The following SORCS2 variants were observed in gnomAD, a reference collection of about 807,000 sequenced individuals.
SORCS2 encodes sortilin related VPS10 domain containing receptor 2.
Under a neutral mutation model 141.6 loss-of-function variants are expected in SORCS2, and 100 were observed. The ratio of observed to expected loss-of-function variants is 0.71; its 90% CI spans 0.60 to 0.83. SORCS2 has a LOEUF of 0.83. Among genes scored for constraint, SORCS2 ranks in the 40% least tolerant of loss-of-function variants. SORCS2 has a pLI of 0.00. For synonymous variants in SORCS2, 789 were observed against 676.9 expected (o/e 1.17, Z -2.57); for missense variants, 1,646 against 1,560.2 (o/e 1.05, Z -0.93).
intron 6 of SORCS2, among the ~76,000 whole-genome samples, chr4:7,662,821 C>A (rs1722261558): frequency 6.6e-6 from 1 of 152,224 alleles, no homozygotes; most frequent in Non-Finnish European, 1.5e-5. Context: ...CAAGCACTAT[C>A]ATCAGGGCTA....
At chr4:7,411,258 C>G (rs58711906) in intron 2 of SORCS2, among the ~76,000 whole-genome samples, 38,447 of 151,910 alleles carry the variant, frequency 0.25, 5,344 homozygotes, top group East Asian at 0.5. Flanking sequence ...CTGGCCTCTT[C>G]TCTCCATCTT....
At chr4:7,738,515 C>T (rs1712384361) in intron 26 of SORCS2, among the ~76,000 whole-genome samples, 1 of 152,176 alleles carries the variant, frequency 6.6e-6, no homozygotes, top group Admixed American at 6.5e-5. Context: ...CCATCTGGGC[C>T]TGATTTTATG....
At chr4:7,689,851 C>T (rs772195736) in intron 11 of SORCS2, among the ~76,000 whole-genome samples, 2 of 147,264 alleles carry the variant, frequency 1.4e-5, no homozygotes, top group African/African-American at 5.1e-5. Context: ...GATGGACAGA[C>T]AAATTGATAG....
chr4:7,393,974 A>G (rs1038256998), intron 1 of SORCS2, among the ~76,000 whole-genome samples: 1 of 152,126 alleles, frequency 6.6e-6, no homozygotes, highest in Non-Finnish European at 1.5e-5. Context: ...CTGCCGAGTC[A>G]GGGCGTGGTG....
intron 2 of SORCS2, among the ~76,000 whole-genome samples, chr4:7,495,814 C>A (rs1488111805): frequency 2.6e-5 from 4 of 152,210 alleles, no homozygotes; most frequent in African/African-American, 9.6e-5. Flanking sequence ...TGCGTGGTGA[C>A]CCCTCAGAGG....
Position 7,666,720 on chromosome 4 carries a change from A to G in SORCS2, c.1072-404A>G, listed in dbSNP as rs542160612. On this transcript the variant is annotated intron_variant, in intron 7 of 26. Transcript: ENST00000507866. Reference sequence around the variant, plus strand: ...GGGTTGATTGTTATGAGGTCAAATGAGCTGCCTGGGAAAAGCACTCGAGAT... The same window carrying G: ...GGGTTGATTGTTATGAGGTCAAATGGGCTGCCTGGGAAAAGCACTCGAGAT... Among the ~76,000 whole-genome samples, 221 of 152,198 alleles carry G rather than the reference A, an allele frequency of 1.5e-3. 1 individual carries two copies. The highest frequency in any genetic ancestry group is 4.9e-3 in the African/African-American group (205 of 41,534).
chr4:7,421,448 A>G (rs1726049320), intron 2 of SORCS2, among the ~76,000 whole-genome samples: 1 of 152,158 alleles, frequency 6.6e-6, no homozygotes, highest in Non-Finnish European at 1.5e-5. Context: ...CTGTGATAAT[A>G]GAGTTGCTGG....
intron 2 of SORCS2, among the ~76,000 whole-genome samples, chr4:7,514,779 C>A (rs1732874430): frequency 6.6e-6 from 1 of 152,158 alleles, no homozygotes; most frequent in Non-Finnish European, 1.5e-5. Flanking sequence ...AGGTCAGTCA[C>A]GTAGGCCCAT....
chr4:7,698,970 A>G (rs576078860), intron 12 of SORCS2, among the ~76,000 whole-genome samples: 109 of 152,282 alleles, frequency 7.2e-4, no homozygotes, highest in African/African-American at 2.6e-3. Flanking sequence ...GTGGCTTCCT[A>G]TCGTGCCCAG....
At chr4:7,739,516 C>T (rs572976303) in intron 26 of SORCS2, among the ~76,000 whole-genome samples, 13 of 152,326 alleles carry the variant, frequency 8.5e-5, no homozygotes, top group South Asian at 4.1e-4. Context: ...ATGCAGCAGC[C>T]GCACTTCCCC....
chr4:7,690,468 G>A (rs1439826697), intron 11 of SORCS2, among the ~76,000 whole-genome samples: 2 of 151,762 alleles, frequency 1.3e-5, no homozygotes, highest in Non-Finnish European at 2.9e-5. Flanking sequence ...ATGAATGGAT[G>A]AGTGGGTGGA....
chr4:7,712,965 C>T, intron 15 of SORCS2, 112 bp downstream of exon 15: 1 of 1,449,746 alleles, frequency 6.9e-7, no homozygotes, highest in Non-Finnish European at 9.2e-7. Context: ...TCCCCGCCTC[C>T]AAGAAGTCTT....
At chr4:7,621,520 T>G (rs1719186405) in intron 3 of SORCS2, among the ~76,000 whole-genome samples, 1 of 151,828 alleles carries the variant, frequency 6.6e-6, no homozygotes, top group Non-Finnish European at 1.5e-5. Flanking sequence ...TATGTTTATG[T>G]GTGTGTCTAT....
chr4:7,447,390 A>G (rs531137642), intron 2 of SORCS2, among the ~76,000 whole-genome samples: 57 of 152,330 alleles, frequency 3.7e-4, no homozygotes, highest in Middle Eastern at 3.4e-3. Context: ...CATCCGGCTA[A>G]GTCCCTGGCA....
chr4:7,293,076 G>C (rs978957663), intron 1 of SORCS2, among the ~76,000 whole-genome samples: 1 of 152,074 alleles, frequency 6.6e-6, no homozygotes, highest in Non-Finnish European at 1.5e-5. Context: ...GGCCCGAGGC[G>C]GGCGGATCAT....
Position 7,193,715 on chromosome 4 carries a change from C to T in SORCS2, c.480+589C>T, listed in dbSNP as rs556606186. On this transcript the variant is annotated intron_variant, in intron 1 of 26. Transcript: ENST00000507866. This position sits in a 1 kb window ranked among gnomAD's most constrained non-coding sequence, Gnocchi z 4.8. ...GTCTTGAGCTCTTGCTGCCGGTCGCCCCGCCTGGATGCACTGGGACCCGCG... is the reference window on the plus strand; with the variant it reads ...GTCTTGAGCTCTTGCTGCCGGTCGCTCCGCCTGGATGCACTGGGACCCGCG... 2.0e-5 allele frequency among the ~76,000 whole-genome samples: 3 copies of T among 152,302 alleles called. No individual in the cohort carries two copies. The South Asian group carries it at 6.2e-4, about 32-fold the overall frequency.
At position 7,359,817 on chromosome 4, in the gene SORCS2, G is replaced by A. The variant is rs114956777; in HGVS notation, c.481-36471G>A. Among the ~76,000 whole-genome samples the A allele has an allele frequency of 9.1e-3, 1,379 of 152,306 alleles. 24 individuals are homozygous for A. The highest frequency in any genetic ancestry group is 0.032 in the African/African-American group (1,323 of 41,574). On this transcript the variant is annotated intron_variant, in intron 1 of 26. Transcript: ENST00000507866. ...CTGAAGAATACATATGGGCCACTAAGAGGCAGCCCTTCAGATCTCAAGAGG... is the reference window on the plus strand; with the variant it reads ...CTGAAGAATACATATGGGCCACTAAAAGGCAGCCCTTCAGATCTCAAGAGG...
At chr4:7,625,739 CAGGGAGGAAGAGAAGG>C (rs1303745744) in intron 3 of SORCS2, among the ~76,000 whole-genome samples, 3 of 149,574 alleles carry the variant, frequency 2.0e-5, no homozygotes, top group African/African-American at 7.4e-5. Flanking sequence ...AGGAAAAGAG[CAGGGAGGAAGAGAAGG>C]AGGGAGGGAG....
intron 2 of SORCS2, among the ~76,000 whole-genome samples, chr4:7,454,835 G>A (rs1443484157): frequency 3.8e-4 from 50 of 130,996 alleles, no homozygotes; most frequent in Non-Finnish European, 6.5e-4. Context: ...GTCTGGTGCT[G>A]TGTGTTGGGG....
Sources: allele counts gnomAD v4.1 joint callset (sites outside exome capture counted in the v4.1 genomes callset), GRCh38; gene constraint gnomAD v4.1.1; non-coding constraint Gnocchi (gnomAD v3.1); transcripts MANE v1.5; gene names NCBI Gene and HGNC (gene_info 2026-07-23, HGNC 2026-07-21).